The following RBFOX1 variants were observed in gnomAD, a reference collection of about 807,000 sequenced individuals.
The protein encoded by RBFOX1 is RNA binding fox-1 homolog 1.
In RBFOX1, 8 loss-of-function variants were observed where a neutral mutation model predicts 57.7. That is an observed-to-expected ratio of 0.14 (90% CI 0.08 to 0.25). The LOEUF (loss-of-function observed/expected upper bound fraction) is 0.25, where lower values mean the gene tolerates loss of function less well. RBFOX1 is among the 10% of genes least tolerant of loss of function. The probability of loss-of-function intolerance (pLI) is 1.00; values close to 1 mark genes in which losing one functional copy is unlikely to be tolerated. For missense variants in RBFOX1, 611 were observed against 548.5 expected (o/e 1.11, Z -1.14); for synonymous variants, 326 against 222.4 (o/e 1.47, Z -4.15).
At chr16:6,870,235 C>G (rs1240926895) in intron 3 of RBFOX1, among the ~76,000 whole-genome samples, 1 of 152,022 alleles carries the variant, frequency 6.6e-6, no homozygotes, top group Non-Finnish European at 1.5e-5. Flanking sequence ...GAGTTAGCAG[C>G]CTGGGGTGGG....
intron 1 of RBFOX1, among the ~76,000 whole-genome samples, chr16:5,459,787 G>C (rs1644847190): frequency 6.6e-6 from 1 of 151,948 alleles, no homozygotes; most frequent in Non-Finnish European, 1.5e-5. Context: ...CTACCAGCAA[G>C]TCCTCTTGAT....
At chr16:5,292,996 G>T (rs1485538093) in intron 1 of RBFOX1, among the ~76,000 whole-genome samples, 1 of 151,854 alleles carries the variant, frequency 6.6e-6, no homozygotes, top group Non-Finnish European at 1.5e-5. Context: ...GCAAAGGTTT[G>T]ATTTTCTGGA....
chr16:7,256,084 A>G (rs938327652), intron 4 of RBFOX1, among the ~76,000 whole-genome samples: 1 of 152,242 alleles, frequency 6.6e-6, no homozygotes, highest in Non-Finnish European at 1.5e-5. Flanking sequence ...TGTTAAAGTC[A>G]TCATTCATTT....
At chr16:6,824,139 T>C (rs1252576504) in intron 3 of RBFOX1, among the ~76,000 whole-genome samples, 1 of 152,348 alleles carries the variant, frequency 6.6e-6, no homozygotes, top group East Asian at 1.9e-4. Context: ...GCGCTGTTGC[T>C]GGCGCCTGTA....
At chr16:6,568,552 G>A (rs1264153951) in intron 2 of RBFOX1, among the ~76,000 whole-genome samples, 1 of 152,144 alleles carries the variant, frequency 6.6e-6, no homozygotes, top group African/African-American at 2.4e-5. Flanking sequence ...CTCTTGTACA[G>A]TGTGGGAGGA....
chr16:6,898,649 A>G (rs762165030), intron 3 of RBFOX1, among the ~76,000 whole-genome samples: 4 of 152,132 alleles, frequency 2.6e-5, no homozygotes, highest in Non-Finnish European at 5.9e-5. Flanking sequence ...TCTGAAAGAG[A>G]TAATTCAGCT....
intron 3 of RBFOX1, among the ~76,000 whole-genome samples, chr16:6,913,495 C>T (rs1031683604): frequency 1.6e-4 from 25 of 152,150 alleles, no homozygotes; most frequent in African/African-American, 6.0e-4. Context: ...CCCCACAACC[C>T]TCGGCCCCAT....
chr16:7,684,024 A>G (rs1011333344), intron 14 of RBFOX1, among the ~76,000 whole-genome samples: 3 of 152,114 alleles, frequency 2.0e-5, no homozygotes, highest in Non-Finnish European at 2.9e-5. Flanking sequence ...CTATCTTTCA[A>G]GATAAGATGA....
rs573776687 is a variant in RBFOX1, at chr16:5,265,060, G to GA, written c.219+24964dup. ...TAAAAAAGTTCCTTCTTACCAAAAA[G>GA]AAAAAAAAATAGCAACCTTATGTTG... On this transcript the variant is annotated intron_variant, in intron 1 of 2. Transcript: ENST00000585867. Among the ~76,000 whole-genome samples the GA allele has an allele frequency of 7.2e-3, 1,067 of 148,984 alleles. 7 individuals carry two copies. The highest frequency in any genetic ancestry group is 0.011 in the Non-Finnish European group (742 of 67,050).
chr16:6,636,415 C>T (rs896608215), intron 2 of RBFOX1, among the ~76,000 whole-genome samples: 13 of 152,008 alleles, frequency 8.6e-5, no homozygotes, highest in Admixed American at 3.3e-4. Context: ...CGTGATCAGC[C>T]CGGCTCGGCC....
chr16:6,093,365 A>G (rs754653856), intron 1 of RBFOX1, among the ~76,000 whole-genome samples: 24 of 152,118 alleles, frequency 1.6e-4, no homozygotes, highest in Admixed American at 3.3e-4. Flanking sequence ...GTTGAGACCA[A>G]GAATTCAAGG....
intron 4 of RBFOX1, among the ~76,000 whole-genome samples, chr16:7,361,234 G>C (rs767942575): frequency 3.9e-5 from 6 of 152,108 alleles, no homozygotes; most frequent in Admixed American, 6.5e-5. Context: ...GGCTCTGAAG[G>C]CCTGTTTGTG....
intron 1 of RBFOX1, among the ~76,000 whole-genome samples, chr16:5,381,522 C>T (rs1239126143): frequency 6.6e-6 from 1 of 152,080 alleles, no homozygotes; most frequent in African/African-American, 2.4e-5. Flanking sequence ...GGCTGCAGGC[C>T]CATAGACCAC....
At chr16:5,817,399 A>C (rs1223119609) in intron 3 of RBFOX1, among the ~76,000 whole-genome samples, 2 of 152,154 alleles carry the variant, frequency 1.3e-5, no homozygotes, top group Non-Finnish European at 2.9e-5. Flanking sequence ...TTGGAGTTTC[A>C]GGTAGTTGCA....
At chr16:7,329,612 C>G (rs1238882389) in intron 4 of RBFOX1, among the ~76,000 whole-genome samples, 2 of 152,044 alleles carry the variant, frequency 1.3e-5, no homozygotes, top group Admixed American at 6.5e-5. Flanking sequence ...AGGACGAAGT[C>G]AATACAACTT....
At chr16:6,573,308 C>A (rs1174105534) in intron 2 of RBFOX1, among the ~76,000 whole-genome samples, 1 of 152,144 alleles carries the variant, frequency 6.6e-6, no homozygotes, top group East Asian at 1.9e-4. Context: ...CCATACCCTC[C>A]CCTAGAAAGT....
intron 4 of RBFOX1, among the ~76,000 whole-genome samples, chr16:5,928,236 A>C (rs1383768982): frequency 6.6e-6 from 1 of 151,884 alleles, no homozygotes; most frequent in Non-Finnish European, 1.5e-5. Flanking sequence ...TGAGATTACC[A>C]CACCTTGCTA....
At chr16:6,809,844 G>C (rs1893326333) in intron 3 of RBFOX1, among the ~76,000 whole-genome samples, 1 of 152,090 alleles carries the variant, frequency 6.6e-6, no homozygotes, top group Non-Finnish European at 1.5e-5. Context: ...GTCGTACCAA[G>C]TGTAATTCAC....
chr16:5,375,233 A>G (rs1398054546), intron 1 of RBFOX1, among the ~76,000 whole-genome samples: 1 of 152,048 alleles, frequency 6.6e-6, no homozygotes, highest in African/African-American at 2.4e-5. Flanking sequence ...GGAAGATGAC[A>G]TGTGATAATT....
Sources: allele counts gnomAD v4.1 joint callset (sites outside exome capture counted in the v4.1 genomes callset), GRCh38; gene constraint gnomAD v4.1.1; transcripts MANE v1.5; gene names NCBI Gene and HGNC (gene_info 2026-07-23, HGNC 2026-07-21).